Variants in PNO1 observed in about 807,000 individuals in gnomAD.
The protein encoded by PNO1 is RNA-binding protein PNO1.
Under a neutral mutation model 28.4 loss-of-function variants are expected in PNO1, and 16 were observed. That is an observed-to-expected ratio of 0.56 (90% CI 0.38 to 0.85). PNO1 has a LOEUF of 0.85. Ranked by LOEUF, PNO1 falls within the 40% of genes least tolerant of loss-of-function variation. PNO1 has a pLI of 0.00. For synonymous variants in PNO1, 115 were observed against 110.8 expected (o/e 1.04, Z -0.24); for missense variants, 304 against 312.2 (o/e 0.97, Z 0.20).
chr2:68,173,544 T>C (rs1674187254), intron 6 of PNO1, 127 bp downstream of exon 6: 1 of 581,502 alleles, frequency 1.7e-6, no homozygotes, highest in Non-Finnish European at 3.1e-6. Context: ...CCCTTGGGAG[T>C]TGGCAAAGGT....
chr2:68,158,309 A>C, intron 1 of PNO1, 71 bp from the exon 2 acceptor site: 1 of 1,471,410 alleles, frequency 6.8e-7, no homozygotes, highest in Non-Finnish European at 9.2e-7. Flanking sequence ...CCCTTTGTGG[A>C]TCAGATGTCA....
chr2:68,158,243 C>A, intron 1 of PNO1, 102 bp downstream of exon 1: 1 of 1,386,406 alleles, frequency 7.2e-7, no homozygotes, highest in South Asian at 1.4e-5. Flanking sequence ...GCTGTTCTGC[C>A]GTGATGCTCA....
intron 5 of PNO1, 156 bp from the exon 6 acceptor site, chr2:68,173,191 T>A: frequency 3.7e-6 from 2 of 539,484 alleles, no homozygotes; most frequent in Admixed American, 3.5e-5. Context: ...AACTGTTGAA[T>A]TTTTTTGTAG....
intron 5 of PNO1, among the ~76,000 whole-genome samples, chr2:68,168,097 C>T (rs1267665404): frequency 2.0e-5 from 3 of 152,122 alleles, no homozygotes; most frequent in African/African-American, 4.8e-5. Context: ...TCAGCAGAGA[C>T]CAAAAGCAGG....
In PNO1 at chr2:68,161,680, C is replaced by A; in HGVS notation, c.358-3C>A. On this transcript the variant is annotated splice_region_variant and splice_polypyrimidine_tract_variant and intron_variant, in intron 2 of 6. Transcript: ENST00000263657. ...TTTTGTACCCTTTTTTGTTTTTTAACAGACTTGTAAAGAAACCAAGGATGT... is the reference window on the plus strand; with the variant it reads ...TTTTGTACCCTTTTTTGTTTTTTAAAAGACTTGTAAAGAAACCAAGGATGT... The A allele has an allele frequency of 6.3e-7, 1 of 1,593,294 alleles. No homozygotes were observed. The highest frequency in any genetic ancestry group is 8.6e-7 in the Non-Finnish European group (1 of 1,164,204).
At chr2:68,171,228 A>G (rs1674123848) in intron 5 of PNO1, among the ~76,000 whole-genome samples, 1 of 152,194 alleles carries the variant, frequency 6.6e-6, no homozygotes, top group Non-Finnish European at 1.5e-5. Context: ...AAGAAGCTAT[A>G]CGTTGTCTGT....
chr2:68,160,741 C>T (rs765045535), intron 2 of PNO1, among the ~76,000 whole-genome samples: 3 of 152,224 alleles, frequency 2.0e-5, no homozygotes, highest in Non-Finnish European at 4.4e-5. Flanking sequence ...GGATCTTCTA[C>T]TCTGACCTCC....
chr2:68,161,283 G>C (rs932580922), intron 2 of PNO1: 7 of 472,272 alleles, frequency 1.5e-5, no homozygotes, highest in Admixed American at 9.4e-5. Flanking sequence ...TAACTAAGAA[G>C]ATTAAGTCAG....
chr2:68,165,725 A>G (rs1030957204), intron 5 of PNO1, among the ~76,000 whole-genome samples: 7 of 152,290 alleles, frequency 4.6e-5, no homozygotes, highest in African/African-American at 1.7e-4. Context: ...TGATTTGCCA[A>G]TGAAATTATA....
intron 3 of PNO1, 53 bp from the exon 4 acceptor site, chr2:68,162,210 CTT>C: frequency 1.5e-6 from 2 of 1,312,972 alleles, no homozygotes; most frequent in Non-Finnish European, 2.2e-6. Flanking sequence ...GCACTTTACT[CTT>C]TTTCAGGTGT....
chr2:68,169,447 AATCAGCATCACATGTG>A (rs1275115352), intron 5 of PNO1, among the ~76,000 whole-genome samples: 2 of 152,342 alleles, frequency 1.3e-5, no homozygotes, highest in East Asian at 1.9e-4. Context: ...TATGGGAGAT[AATCAGCATCACATGTG>A]ATCAGCATCA....
chr2:68,158,031 G>C lies in PNO1; in HGVS notation c.97G>C (p.Glu33Gln). The C allele has an allele frequency of 6.2e-7, 1 of 1,614,140 alleles. No individual in the cohort carries two copies. ...GGRRAKKRQA[E>Q]QLSAAGEGGD... ...CCGACGGGCGAAGAAACGACAGGCT[G>C]AACAGCTGTCCGCAGCAGGAGAGGG... is the stretch of plus-strand genomic sequence containing the variant. Residue 33 changes from glutamate to glutamine, a missense_variant, in exon 1 of 7, where the codon GAA (glutamate) becomes CAA (glutamine). Physicochemically the swap from Glu to Gln is conservative, Grantham distance 29. Transcript: ENST00000263657.
chr2:68,167,516 C>T (rs1243853342), intron 5 of PNO1, among the ~76,000 whole-genome samples: 2 of 152,202 alleles, frequency 1.3e-5, no homozygotes, highest in Non-Finnish European at 2.9e-5. Context: ...TAACGGCAGT[C>T]CTGATCATAA....
intron 5 of PNO1, among the ~76,000 whole-genome samples, chr2:68,166,555 A>G (rs1430036643): frequency 6.6e-6 from 1 of 152,148 alleles, no homozygotes. Context: ...AAGATGTGGA[A>G]GGCGAGGCAG....
rs1392293002 is a variant in PNO1 at position 68,161,465 on chromosome 2, T to G, written c.358-218T>G. On this transcript the variant is annotated intron_variant, in intron 2 of 6. Transcript: ENST00000263657. ...GTGCGGTTAGTTATTTGACACTCTT[T>G]GGGTGGAACAGCCAAGCTTTGGAGC... 5.6e-6 allele frequency: 3 copies of G among 535,866 alleles called. No homozygotes were observed. In the African/African-American group the frequency reaches 5.8e-5, roughly 10 times the overall value. 33.2% of individuals were successfully genotyped at this position (535,866 alleles called of 1,614,324 possible).
intron 5 of PNO1, among the ~76,000 whole-genome samples, chr2:68,168,097 C>G (rs1267665404): frequency 6.6e-6 from 1 of 152,122 alleles, no homozygotes; most frequent in Non-Finnish European, 1.5e-5. Context: ...TCAGCAGAGA[C>G]CAAAAGCAGG....
Position 68,162,611 on chromosome 2 carries a change from A to C in PNO1, c.568A>C (p.Thr190Pro). 6.2e-7 allele frequency: 1 copy of C among 1,613,854 alleles called. No individual in the cohort carries two copies. Among genetic ancestry groups the C allele is most frequent in the Admixed American group, 1.7e-5 (1 of 60,014 alleles). ...IGRIAGKGGK[T>P]KFTIENVTRT... ...AAGAATCGCTGGCAAAGGAGGAAAA[A>C]CCAAATTCACCATAGAGAATGTGAC... Residue 190 changes from threonine to proline, a missense_variant, in exon 5 of 7, where the codon ACC becomes CCC. Coordinates refer to ENST00000263657, the MANE Select transcript of PNO1 (RefSeq NM_020143.4).
In PNO1 at chr2:68,175,637, C is replaced by T. The variant is rs1674258624; in HGVS notation, c.*835C>T. The T allele has an allele frequency of 8.8e-6, 1 of 113,344 alleles. No homozygotes were observed. The highest frequency in any genetic ancestry group is 3.2e-4 in the South Asian group (1 of 3,142). The allele number at this position is 113,344 out of a possible 1,614,324, so 7.0% of individuals were successfully genotyped here. On this transcript the variant is annotated 3_prime_UTR_variant, in exon 7 of 7. Transcript: ENST00000263657. ...ATTATACCATATACATCAGTAAGAG[C>T]TCATCTTGGAACCTGTTTTGCAGTT...
At chr2:68,166,759 C>G (rs1197827731) in intron 5 of PNO1, among the ~76,000 whole-genome samples, 1 of 152,202 alleles carries the variant, frequency 6.6e-6, no homozygotes, top group Non-Finnish European at 1.5e-5. Flanking sequence ...AAACCTTCTG[C>G]CAAATTGTCT....
Sources: gnomAD v4.1 joint callset for allele counts (sites outside exome capture counted in the v4.1 genomes callset) on GRCh38, gnomAD v4.1.1 for gene constraint, MANE v1.5 for transcripts, NCBI Gene and HGNC (gene_info 2026-07-23, HGNC 2026-07-21) for gene names.